Variants in SLC35E3 observed in about 807,000 individuals in gnomAD.
The protein encoded by SLC35E3 is bladder cancer-overexpressed gene 1 protein.
In SLC35E3, 28 loss-of-function variants were observed where a neutral mutation model predicts 30.8. That is an observed-to-expected ratio of 0.91 (90% CI 0.67 to 1.25). The LOEUF is 1.25. SLC35E3 is among the 50% of genes most tolerant of loss of function. The pLI, the probability that SLC35E3 is intolerant of heterozygous loss-of-function variation, is 0.00. For synonymous variants in SLC35E3, 146 were observed against 149.2 expected, an observed-to-expected ratio of 0.98 and a Z score of 0.16; for missense variants, 365 against 375.4, an observed-to-expected ratio of 0.97 and a Z score of 0.23.
At position 68,752,025 on chromosome 12, in the gene SLC35E3, T is replaced by C; in HGVS notation, c.514-7T>C. ...GTGCCAGACATGTTTTATCTCCTAATTTTCAGTGGGTAGGAGCCAAACAGC... is the reference window on the plus strand; with the variant it reads ...GTGCCAGACATGTTTTATCTCCTAACTTTCAGTGGGTAGGAGCCAAACAGC... On this transcript the variant is annotated splice_polypyrimidine_tract_variant and splice_region_variant and intron_variant, in intron 2 of 4. Coordinates refer to ENST00000398004, the MANE Select transcript of SLC35E3 (RefSeq NM_018656.5). 6.4e-7 allele frequency: 1 copy of C among 1,568,192 alleles called. No homozygotes were observed. Among genetic ancestry groups the C allele is most frequent in the East Asian group, 2.3e-5 (1 of 43,982 alleles).
intron 4 of SLC35E3, among the ~76,000 whole-genome samples, chr12:68,759,506 C>A (rs1879167823): frequency 6.6e-6 from 1 of 152,060 alleles, no homozygotes; most frequent in African/African-American, 2.4e-5. Context: ...GAGTTCAAGA[C>A]CAGCCTGGAT....
rs576338266 is a variant in SLC35E3, at chr12:68,758,164, G to A, written c.673-993G>A. ...CGGCCGGGTGCAGTGGCTCACGCCT[G>A]TAATCCCAGCACTTTGGGAGGCCGA... On this transcript the variant is annotated intron_variant, in intron 3 of 4. Coordinates refer to ENST00000398004, the MANE Select transcript of SLC35E3 (RefSeq NM_018656.5). Among the ~76,000 whole-genome samples the A allele has an allele frequency of 3.4e-3, 515 of 151,914 alleles. 4 individuals carry two copies. The highest frequency in any genetic ancestry group is 0.011 in the African/African-American group (473 of 41,438).
chr12:68,746,205 G>GGT lies in SLC35E3; in HGVS notation c.-166_-165dup. On this transcript the variant is annotated 5_prime_UTR_variant, in exon 1 of 5. Coordinates refer to ENST00000398004, the MANE Select transcript of SLC35E3 (RefSeq NM_018656.5). ...TAGCTGGCTTACAGGGCGGCGGCGGGGTGTGTGTCCTCTGTTAAGAGTGCT... is the reference window on the plus strand; with the variant it reads ...TAGCTGGCTTACAGGGCGGCGGCGGGGTGTGTGTGTCCTCTGTTAAGAGTGCT... 1.9e-6 allele frequency: 1 copy of GGT among 537,784 alleles called. No individual in the cohort carries two copies. The highest frequency in any genetic ancestry group is 3.2e-6 in the Non-Finnish European group (1 of 315,062). 33.3% of individuals were successfully genotyped at this position (537,784 alleles called of 1,614,324 possible).
At chr12:68,759,635 C>T (rs995455323) in intron 4 of SLC35E3, among the ~76,000 whole-genome samples, 8 of 151,040 alleles carry the variant, frequency 5.3e-5, no homozygotes, top group African/African-American at 1.5e-4. Flanking sequence ...ACTGGGGAGT[C>T]GGAGGTTACA....
chr12:68,760,358 A>C (rs773430326), intron 4 of SLC35E3, among the ~76,000 whole-genome samples: 8 of 152,232 alleles, frequency 5.3e-5, no homozygotes, highest in Non-Finnish European at 1.2e-4. Flanking sequence ...ACTATCAATA[A>C]AAAACAACAA....
At chr12:68,748,126 T>G in intron 2 of SLC35E3, 86 bp downstream of exon 2, 1 of 760,624 alleles carries the variant, frequency 1.3e-6, no homozygotes, top group Non-Finnish European at 2.3e-6. Flanking sequence ...AAATACAGTA[T>G]AGAGACAATA....
chr12:68,762,384 G>A (rs545813525), intron 4 of SLC35E3, among the ~76,000 whole-genome samples: 38 of 152,296 alleles, frequency 2.5e-4, no homozygotes, highest in African/African-American at 8.7e-4. Flanking sequence ...GACTGGCACA[G>A]AACCAGAGGA....
At chr12:68,756,302 A>T (rs1327971915) in intron 3 of SLC35E3, among the ~76,000 whole-genome samples, 4 of 17,400 alleles carry the variant, frequency 2.3e-4, no homozygotes, top group African/African-American at 8.6e-4. Flanking sequence ...AAAAGCCATT[A>T]AAAAAAAAAA....
In SLC35E3 at chr12:68,775,913, A is replaced by T. The variant is rs1879726797; in HGVS notation, c.*11023A>T. The T allele has an allele frequency of 8.0e-6, 1 of 125,190 alleles. No individual in the cohort carries two copies. Among genetic ancestry groups the T allele is most frequent in the Non-Finnish European group, 1.6e-5 (1 of 62,726 alleles). The allele number at this position is 125,190 out of a possible 1,614,324, so 7.8% of individuals were successfully genotyped here. A position where few individuals can be genotyped will look rare whatever the true frequency, so the allele number is the denominator to read the frequency against. On this transcript the variant is annotated 3_prime_UTR_variant, in exon 5 of 5. Transcript: ENST00000398004. ...CAGTAAGCTGGAATCACACTATTACACTCCAGCCTGGGTGACAAGAGCGAA... is the reference window on the plus strand; with the variant it reads ...CAGTAAGCTGGAATCACACTATTACTCTCCAGCCTGGGTGACAAGAGCGAA...
At chr12:68,752,262 G>T in intron 3 of SLC35E3, 72 bp downstream of exon 3, 1 of 1,380,938 alleles carries the variant, frequency 7.2e-7, no homozygotes, top group Non-Finnish European at 9.8e-7. Context: ...GTAATTTTTA[G>T]TTTTCAGAGC....
chr12:68,758,395 G>T (rs962845636), intron 3 of SLC35E3, among the ~76,000 whole-genome samples: 1 of 151,980 alleles, frequency 6.6e-6, no homozygotes, highest in Non-Finnish European at 1.5e-5. Context: ...ACTCCAGCCT[G>T]GGTGACAGAG....
rs1879828239 is a variant in SLC35E3 at position 68,779,487 on chromosome 12, T to A, written c.*14597T>A. 1 of 145,732 alleles carries A rather than the reference T, an allele frequency of 6.9e-6. No homozygotes were observed. Among genetic ancestry groups the A allele is most frequent in the Non-Finnish European group, 1.5e-5 (1 of 65,030 alleles). 9.0% of individuals were successfully genotyped at this position (145,732 alleles called of 1,614,324 possible). On this transcript the variant is annotated 3_prime_UTR_variant, in exon 5 of 5. Transcript: ENST00000398004. Reference sequence around the variant, plus strand: ...AAGTCACTCCAGGTGATATTAAAAGTACAGTGCTAGGACTGTCTGACCCAA... The same window carrying A: ...AAGTCACTCCAGGTGATATTAAAAGAACAGTGCTAGGACTGTCTGACCCAA...
rs1367518421 is a variant in SLC35E3, at chr12:68,780,476, TCA to T, written c.*15590_*15591del. 15 of 145,538 alleles carry T rather than the reference TCA, an allele frequency of 1.0e-4. No individual in the cohort carries two copies. Among genetic ancestry groups the T allele is most frequent in the African/African-American group, 3.9e-4 (15 of 38,936 alleles). 9.0% of individuals were successfully genotyped at this position (145,538 alleles called of 1,614,324 possible). ...GCGTGAGCCGTCCTGCCTGGCCTAG[TCA>T]CACTTTTTTTTTTTTTTTTTTTTTT... On this transcript the variant is annotated 3_prime_UTR_variant, in exon 5 of 5. Transcript: ENST00000398004.
At position 68,746,670 on chromosome 12, in the gene SLC35E3, A is replaced by C. The variant is rs201722733; in HGVS notation, c.293A>C (p.Asn98Thr). 1.8e-4 allele frequency: 286 copies of C among 1,614,206 alleles called. No homozygotes were observed. The highest frequency in any genetic ancestry group is 3.5e-4 in the Admixed American group (21 of 60,030). The change falls in exon 1 of 5, where the codon AAC (asparagine) becomes ACC (threonine). Residue 98 changes from asparagine (N) to threonine (T), a missense_variant. Transcript: ENST00000398004. ...TTCACTAACCTTTCTCTGCAGAACAACACCATAGGCACCTATCAGCTGGCC... is the reference window on the plus strand; with the variant it reads ...TTCACTAACCTTTCTCTGCAGAACACCACCATAGGCACCTATCAGCTGGCC... ...VVFTNLSLQN[N>T]TIGTYQLAKA...
Position 68,780,481 on chromosome 12 carries a change from C to A in SLC35E3, c.*15591C>A, listed in dbSNP as rs953998956. ...AGCCGTCCTGCCTGGCCTAGTCACA[C>A]TTTTTTTTTTTTTTTTTTTTTTGGA... On this transcript the variant is annotated 3_prime_UTR_variant, in exon 5 of 5. Coordinates refer to ENST00000398004, the MANE Select transcript of SLC35E3 (RefSeq NM_018656.5). 9.1e-6 allele frequency: 1 copy of A among 109,626 alleles called. No individual in the cohort carries two copies. The highest frequency in any genetic ancestry group is 1.9e-5 in the Non-Finnish European group (1 of 53,766). The allele number at this position is 109,626 out of a possible 1,614,324, so 6.8% of individuals were successfully genotyped here.
In SLC35E3 at chr12:68,764,873, C is replaced by G. The variant is rs755754857; in HGVS notation, c.925C>G (p.Leu309Val). The change falls in exon 5 of 5, where the codon CTG (leucine) becomes GTG (valine). Residue 309 changes from leucine (L) to valine (V), a missense_variant. Leu to Val is a conservative substitution (Grantham distance 32). Coordinates refer to ENST00000398004, the MANE Select transcript of SLC35E3 (RefSeq NM_018656.5). ...TGAACAGGAAGGAAGTAGGAGTAAACTGGCACAACGTCCTTAATTGGGTTT... is the reference window on the plus strand; with the variant it reads ...TGAACAGGAAGGAAGTAGGAGTAAAGTGGCACAACGTCCTTAATTGGGTTT... ...LSEQEGSRSK[L>V]AQRP The G allele has an allele frequency of 1.1e-5, 18 of 1,613,696 alleles. No homozygotes were observed. Among genetic ancestry groups the G allele is most frequent in the Non-Finnish European group, 1.5e-5 (18 of 1,179,904 alleles).
chr12:68,754,432 C>G (rs1265302029), intron 3 of SLC35E3, among the ~76,000 whole-genome samples: 1 of 151,948 alleles, frequency 6.6e-6, no homozygotes, highest in African/African-American at 2.4e-5. Flanking sequence ...TAGAGGTGTG[C>G]GCCACCATGC....
intron 1 of SLC35E3, among the ~76,000 whole-genome samples, chr12:68,747,047 G>T (rs1878610996): frequency 6.6e-6 from 1 of 152,212 alleles, no homozygotes. Flanking sequence ...GCTGTATTGG[G>T]TGGTACAGTC....
chr12:68,746,205 G>A lies in SLC35E3; in HGVS notation c.-173G>A. The stretch of plus-strand genomic sequence containing the variant: ...TAGCTGGCTTACAGGGCGGCGGCGG[G>A]GTGTGTGTCCTCTGTTAAGAGTGCT... On this transcript the variant is annotated 5_prime_UTR_variant, in exon 1 of 5. Transcript: ENST00000398004. 1 of 537,784 alleles carries A rather than the reference G, an allele frequency of 1.9e-6. No individual in the cohort carries two copies. Among genetic ancestry groups the A allele is most frequent in the East Asian group, 3.1e-5 (1 of 32,042 alleles). The allele number at this position is 537,784 out of a possible 1,614,324, so 33.3% of individuals were successfully genotyped here.
Sources: gnomAD v4.1 joint callset for allele counts (sites outside exome capture counted in the v4.1 genomes callset) on GRCh38, gnomAD v4.1.1 for gene constraint, MANE v1.5 for transcripts, NCBI Gene and HGNC (gene_info 2026-07-23, HGNC 2026-07-21) for gene names.